Variants in PRORP observed in about 807,000 individuals in gnomAD.
PRORP encodes protein only RNase P catalytic subunit, also known as mitochondrial ribonuclease P catalytic subunit.
PRORP carries 51 observed loss-of-function variants against 59.4 expected under a neutral mutation model. The ratio of observed to expected loss-of-function variants is 0.86; its 90% CI spans 0.69 to 1.08. The LOEUF (loss-of-function observed/expected upper bound fraction) is 1.08, where lower values mean the gene tolerates loss of function less well. PRORP is among the 50% of genes least tolerant of loss of function. PRORP has a pLI of 0.00. For synonymous variants in PRORP, 231 were observed against 245.6 expected (o/e 0.94, Z 0.55); for missense variants, 646 against 690.3 (o/e 0.94, Z 0.72).
At chr14:35,182,015 G>T (rs539728217) in intron 5 of PRORP, among the ~76,000 whole-genome samples, 54 of 152,214 alleles carry the variant, frequency 3.5e-4, no homozygotes, top group African/African-American at 1.2e-3. Context: ...TGTAATCCCA[G>T]CACTTTGGGA....
At chr14:35,219,670 G>A (rs923624519) in intron 5 of PRORP, among the ~76,000 whole-genome samples, 2 of 152,164 alleles carry the variant, frequency 1.3e-5, no homozygotes, top group Non-Finnish European at 2.9e-5. Context: ...GAGATAGGCT[G>A]GTACTGAGAA....
At chr14:35,165,390 C>A (rs904997625) in intron 4 of PRORP, among the ~76,000 whole-genome samples, 3 of 152,136 alleles carry the variant, frequency 2.0e-5, no homozygotes, top group Non-Finnish European at 4.4e-5. Context: ...CTTAACTTTT[C>A]TATGCTTTAT....
At chr14:35,172,453 C>CT (rs2048337500) in intron 4 of PRORP, among the ~76,000 whole-genome samples, 31 of 46,756 alleles carry the variant, frequency 6.6e-4, no homozygotes, top group African/African-American at 1.8e-3. Context: ...TCCTTCCTTC[C>CT]TTCTTTCTTT....
intron 4 of PRORP, among the ~76,000 whole-genome samples, chr14:35,177,529 G>A (rs570522722): frequency 4.7e-4 from 72 of 152,076 alleles, no homozygotes; most frequent in Non-Finnish European, 6.3e-4. Flanking sequence ...GTTTATTTGC[G>A]TAGAGGTGTT....
At chr14:35,180,312 C>T (rs1010918230) in intron 4 of PRORP, among the ~76,000 whole-genome samples, 1 of 152,168 alleles carries the variant, frequency 6.6e-6, no homozygotes, top group African/African-American at 2.4e-5. Context: ...GGAGCTGTTC[C>T]TATTCGGCCA....
chr14:35,273,379 G>A, intron 7 of PRORP, 56 bp from the exon 8 acceptor site: 1 of 1,503,500 alleles, frequency 6.7e-7, no homozygotes, highest in Non-Finnish European at 8.9e-7. Context: ...AAGAGAAATG[G>A]CCAAGTAGCC....
rs565290519 is a variant in PRORP at position 35,203,556 on chromosome 14, G to T, written c.1275+22779G>T. 1.1e-3 allele frequency among the ~76,000 whole-genome samples: 164 copies of T among 152,128 alleles called. 1 individual carries two copies. Among genetic ancestry groups the T allele is most frequent in the Non-Finnish European group, 1.9e-3 (131 of 67,952 alleles). ...AAATTAAAATTAAATTAAAAATCCA[G>T]ATTTTAGTCTAAAGATATTCTTTTG... On this transcript the variant is annotated intron_variant, in intron 5 of 7. Coordinates refer to ENST00000534898, the MANE Select transcript of PRORP (RefSeq NM_014672.4).
At chr14:35,271,815 A>T (rs1210667718) in intron 7 of PRORP, among the ~76,000 whole-genome samples, 2 of 152,220 alleles carry the variant, frequency 1.3e-5, no homozygotes, top group Non-Finnish European at 2.9e-5. Context: ...ACTTGAGGGC[A>T]GGAGTTGAAG....
chr14:35,266,857 G>GT lies in PRORP; in HGVS notation c.1413dup (p.Ala472CysfsTer2), dbSNP rs766680749. 1.9e-6 allele frequency: 3 copies of GT among 1,614,080 alleles called. No individual in the cohort carries two copies. The highest frequency in any genetic ancestry group is 1.7e-5 in the Admixed American group (1 of 59,998). On this transcript the variant is annotated frameshift_variant, in exon 6 of 8. Coordinates refer to ENST00000534898, the MANE Select transcript of PRORP (RefSeq NM_014672.4). LOFTEE classifies it high-confidence loss of function. The stretch of plus-strand genomic sequence containing the variant: ...GAAGAGGTGCAAAAGCAAGCCAGCT[G>GT]TTTTTTTGCTGATGACATGTAAGTG...
At chr14:35,167,454 G>A (rs1361844247) in intron 4 of PRORP, among the ~76,000 whole-genome samples, 2 of 152,080 alleles carry the variant, frequency 1.3e-5, no homozygotes, top group Non-Finnish European at 2.9e-5. Context: ...TTGGTCATTT[G>A]GTTAGGAGAA....
intron 5 of PRORP, among the ~76,000 whole-genome samples, chr14:35,220,474 G>GAC (rs1416199501): frequency 1.2e-4 from 19 of 152,230 alleles, no homozygotes; most frequent in African/African-American, 4.3e-4. Flanking sequence ...CCACCATTCT[G>GAC]ACACGGCATT....
chr14:35,250,614 C>T (rs1489254850), intron 5 of PRORP, among the ~76,000 whole-genome samples: 9 of 152,294 alleles, frequency 5.9e-5, no homozygotes, highest in East Asian at 1.9e-4. Context: ...CACCATCCCC[C>T]GACTGATTCA....
chr14:35,210,224 G>A (rs751658686), intron 5 of PRORP, among the ~76,000 whole-genome samples: 6 of 152,300 alleles, frequency 3.9e-5, no homozygotes, highest in Admixed American at 1.3e-4. Flanking sequence ...ACCTTTGGCT[G>A]AGTTACTGGA....
rs1186224072 is a variant in PRORP, at chr14:35,132,750, G to T, written c.1167+5139G>T. On this transcript the variant is annotated intron_variant, in intron 4 of 7. Transcript: ENST00000534898. ...TGTAGTGAGCCAAGATTGCGCCACA[G>T]TACTCCAGCCTGGGCGACAGAGTGA... 2.1e-5 allele frequency among the ~76,000 whole-genome samples: 3 copies of T among 142,138 alleles called. No individual in the cohort carries two copies. In the Admixed American group the frequency reaches 2.2e-4, roughly 10 times the overall value. The allele number at this position is 142,138 out of a possible 152,430, so 93.2% of individuals were successfully genotyped here. A position where few individuals can be genotyped will look rare whatever the true frequency, so the allele number is the denominator to read the frequency against.
At chr14:35,256,642 T>C (rs1377247414) in intron 5 of PRORP, among the ~76,000 whole-genome samples, 1 of 151,872 alleles carries the variant, frequency 6.6e-6, no homozygotes, top group Non-Finnish European at 1.5e-5. Flanking sequence ...GTGCTTATCT[T>C]TTAAAGCATT....
At position 35,123,907 on chromosome 14, in the gene PRORP, T is replaced by C; in HGVS notation, c.662T>C (p.Ile221Thr). The change falls in exon 2 of 8, where the codon ATC becomes ACC. Residue 221 changes from isoleucine to threonine, a missense_variant. By Grantham distance (89) the Ile-to-Thr change is moderately conservative. Coordinates refer to ENST00000534898, the MANE Select transcript of PRORP (RefSeq NM_014672.4). ...TACAGTCTTCTCATCCGGGGATTGA[T>C]CCATTCAGACAGATGGAGAGAAGCA... ...RGYSLLIRGLIHSDRWREALL... is the reference protein window; with the variant it reads ...RGYSLLIRGLTHSDRWREALL... 1.2e-6 allele frequency: 2 copies of C among 1,614,176 alleles called. No homozygotes were observed. The highest frequency in any genetic ancestry group is 4.5e-5 in the East Asian group (2 of 44,876).
At chr14:35,128,087 GATT>G (rs1194868518) in intron 4 of PRORP, among the ~76,000 whole-genome samples, 2 of 152,174 alleles carry the variant, frequency 1.3e-5, no homozygotes, top group African/African-American at 4.8e-5. Context: ...AGTAACTTAA[GATT>G]ATTTACAGAT....
chr14:35,216,077 A>G (rs1255703313), intron 5 of PRORP, among the ~76,000 whole-genome samples: 1 of 70,648 alleles, frequency 1.4e-5, no homozygotes, highest in Admixed American at 1.7e-4. Flanking sequence ...GTAAGACTCT[A>G]GCTTTAAATA....
chr14:35,144,728 C>T (rs990624523), intron 4 of PRORP, among the ~76,000 whole-genome samples: 1 of 145,940 alleles, frequency 6.9e-6, no homozygotes. Flanking sequence ...AACGTCTTAG[C>T]ATTATGAAAA....
Sources: allele counts gnomAD v4.1 joint callset (sites outside exome capture counted in the v4.1 genomes callset), GRCh38; gene constraint gnomAD v4.1.1; transcripts MANE v1.5; gene names NCBI Gene and HGNC (gene_info 2026-07-23, HGNC 2026-07-21).